Variants in CDK6 observed in about 807,000 individuals in gnomAD.
CDK6 encodes cyclin-dependent kinase 6.
CDK6 carries 6 observed loss-of-function variants against 37.1 expected under a neutral mutation model. The ratio of observed to expected loss-of-function variants is 0.16; its 90% CI spans 0.09 to 0.32. CDK6 has a LOEUF of 0.32. Ranked by LOEUF, CDK6 falls within the 10% of genes least tolerant of loss-of-function variation. The probability of loss-of-function intolerance (pLI) is 1.00; values close to 1 mark genes in which losing one functional copy is unlikely to be tolerated. For missense variants in CDK6, 224 were observed against 418.9 expected, an observed-to-expected ratio of 0.53 and a Z score of 4.06; for synonymous variants, 160 against 161.3, an observed-to-expected ratio of 0.99 and a Z score of 0.06.
At chr7:92,745,712 T>A (rs974100928) in intron 3 of CDK6, among the ~76,000 whole-genome samples, 4 of 152,108 alleles carry the variant, frequency 2.6e-5, no homozygotes, top group Admixed American at 2.6e-4. Context: ...CATGAAAAAA[T>A]TTTAAATGTA....
In CDK6 at chr7:92,609,153, G is replaced by C. The variant is rs1412000351; in HGVS notation, c.*5987C>G. The C allele has an allele frequency of 4.3e-6, 1 of 232,672 alleles. No homozygotes were observed. The allele number at this position is 232,672 out of a possible 1,614,324, so 14.4% of individuals were successfully genotyped here. A position where few individuals can be genotyped will look rare whatever the true frequency, so the allele number is the denominator to read the frequency against. ...CTGCTTGCCACTCAGGAGGAAAGTT[G>C]GGCAGGCACCGTCGAGTGTCTGCCA... is the stretch of plus-strand genomic sequence containing the variant. On this transcript the variant is annotated 3_prime_UTR_variant, in exon 8 of 8. Coordinates refer to ENST00000424848, the MANE Select transcript of CDK6 (RefSeq NM_001145306.2).
chr7:92,778,038 T>C (rs570999986), intron 2 of CDK6, among the ~76,000 whole-genome samples: 1 of 151,846 alleles, frequency 6.6e-6, no homozygotes, highest in African/African-American at 2.4e-5. Flanking sequence ...CTGGGCTTTA[T>C]GGACCCCACA....
intron 5 of CDK6, among the ~76,000 whole-genome samples, chr7:92,631,820 A>G (rs1009617919): frequency 9.2e-5 from 14 of 152,136 alleles, no homozygotes; most frequent in Admixed American, 6.6e-4. Flanking sequence ...GTGGAGCAAG[A>G]GAGAGTGCTA....
rs1319361232 is a variant in CDK6 at position 92,614,977 on chromosome 7, T to C, written c.*163A>G. 1.7e-6 allele frequency: 1 copy of C among 604,940 alleles called. No individual in the cohort carries two copies. Among genetic ancestry groups the C allele is most frequent in the African/African-American group, 1.8e-5 (1 of 54,300 alleles). The allele number at this position is 604,940 out of a possible 1,614,324, so 37.5% of individuals were successfully genotyped here. The stretch of plus-strand genomic sequence containing the variant: ...CACTCTTGCATTGATTTCAAAACAG[T>C]AAACTAGGCGGTTTCCTTGGAGAAG... On this transcript the variant is annotated 3_prime_UTR_variant, in exon 8 of 8. Coordinates refer to ENST00000424848, the MANE Select transcript of CDK6 (RefSeq NM_001145306.2).
At chr7:92,774,902 T>C (rs1379274094) in intron 2 of CDK6, 71 bp from the exon 3 acceptor site, 3 of 1,441,780 alleles carry the variant, frequency 2.1e-6, no homozygotes, top group African/African-American at 1.5e-5. Context: ...TTTATACATA[T>C]CGCTCAATTT....
intron 4 of CDK6, among the ~76,000 whole-genome samples, chr7:92,696,065 A>T (rs568137217): frequency 6.6e-6 from 1 of 152,332 alleles, no homozygotes; most frequent in South Asian, 2.1e-4. Flanking sequence ...TCTGTTGTAC[A>T]AAGTGAAAGT....
intron 2 of CDK6, among the ~76,000 whole-genome samples, chr7:92,825,646 T>C (rs971218690): frequency 1.3e-5 from 2 of 152,158 alleles, no homozygotes; most frequent in Admixed American, 1.3e-4. Flanking sequence ...ATCATCATCT[T>C]TTATAGAAAT....
intron 2 of CDK6, among the ~76,000 whole-genome samples, chr7:92,832,159 A>C (rs1357736524): frequency 1.3e-5 from 2 of 152,260 alleles, no homozygotes. Flanking sequence ...CTGTTTAAAA[A>C]AGAAAAGGAT....
chr7:92,624,119 A>G (rs955440102), intron 5 of CDK6, among the ~76,000 whole-genome samples: 2 of 152,128 alleles, frequency 1.3e-5, no homozygotes, highest in Non-Finnish European at 2.9e-5. Flanking sequence ...CAGTGGTTAG[A>G]ACACACCTTA....
chr7:92,627,054 A>G (rs918401358), intron 5 of CDK6, among the ~76,000 whole-genome samples: 2 of 152,064 alleles, frequency 1.3e-5, no homozygotes, highest in African/African-American at 4.8e-5. Context: ...AAAAAGTGGA[A>G]ACAATCCTAA....
chr7:92,667,554 T>TC (rs1482369031), intron 5 of CDK6, among the ~76,000 whole-genome samples: 3 of 91,792 alleles, frequency 3.3e-5, no homozygotes, highest in African/African-American at 2.5e-4. Flanking sequence ...TTTAAAAAGT[T>TC]TTTTTTTTTT....
chr7:92,740,113 A>G (rs779505811), intron 3 of CDK6, among the ~76,000 whole-genome samples: 1 of 152,152 alleles, frequency 6.6e-6, no homozygotes, highest in Non-Finnish European at 1.5e-5. Flanking sequence ...CCCACTGTTC[A>G]CTATAAGACA....
chr7:92,824,490 A>G (rs1801260706), intron 2 of CDK6, among the ~76,000 whole-genome samples: 1 of 152,142 alleles, frequency 6.6e-6, no homozygotes, highest in African/African-American at 2.4e-5. Flanking sequence ...TTTGGTCCAC[A>G]GATACTCTCA....
chr7:92,616,819 G>C (rs1438524574), intron 7 of CDK6, among the ~76,000 whole-genome samples: 1 of 152,140 alleles, frequency 6.6e-6, no homozygotes, highest in Non-Finnish European at 1.5e-5. Flanking sequence ...TGGAGAGAAG[G>C]AGAACACCTT....
chr7:92,749,953 A>G (rs1229857643), intron 3 of CDK6, among the ~76,000 whole-genome samples: 1 of 152,196 alleles, frequency 6.6e-6, no homozygotes, highest in Admixed American at 6.5e-5. Flanking sequence ...ATGAGGCTCT[A>G]GTTGAGGAGA....
intron 2 of CDK6, among the ~76,000 whole-genome samples, chr7:92,776,262 G>GTATTC (rs1170992065): frequency 1.3e-5 from 2 of 152,162 alleles, no homozygotes; most frequent in African/African-American, 4.8e-5. Context: ...TGAGTGCATA[G>GTATTC]TATTCCATGG....
chr7:92,672,162 C>CACACAG, intron 4 of CDK6, among the ~76,000 whole-genome samples: 1 of 35,784 alleles, frequency 2.8e-5, no homozygotes, highest in East Asian at 1.3e-3. Context: ...TATATATATA[C>CACACAG]ACATACACAC....
intron 4 of CDK6, among the ~76,000 whole-genome samples, chr7:92,697,567 A>G (rs1338677944): frequency 2.6e-5 from 4 of 152,230 alleles, no homozygotes; most frequent in African/African-American, 9.6e-5. Flanking sequence ...ACCCAGGTCT[A>G]ACTCCAGAGT....
chr7:92,713,674 A>G (rs899311032), intron 4 of CDK6, among the ~76,000 whole-genome samples: 3 of 151,222 alleles, frequency 2.0e-5, no homozygotes, highest in Non-Finnish European at 4.4e-5. Context: ...AAGTAAAAAA[A>G]AAAAAAAAAA....
Sources: gnomAD v4.1 joint callset for allele counts (sites outside exome capture counted in the v4.1 genomes callset) on GRCh38, gnomAD v4.1.1 for gene constraint, MANE v1.5 for transcripts, NCBI Gene and HGNC (gene_info 2026-07-23, HGNC 2026-07-21) for gene names.